The following SNTG2 variants were observed in gnomAD, a reference collection of about 807,000 sequenced individuals.
SNTG2 encodes gamma-2-syntrophin.
A neutral mutation model predicts 70.9 loss-of-function variants in SNTG2; 74 were observed. That is an observed-to-expected ratio of 1.04 (90% CI 0.86 to 1.27). SNTG2 has a LOEUF of 1.27. Ranked by LOEUF, SNTG2 falls within the 50% of genes most tolerant of loss-of-function variation. SNTG2 has a pLI of 0.00. For synonymous variants in SNTG2, 278 were observed against 273.8 expected (o/e 1.02, Z -0.15); for missense variants, 717 against 690.7 (o/e 1.04, Z -0.43).
chr2:1,338,898 G>A (rs1659947698), intron 16 of SNTG2, among the ~76,000 whole-genome samples: 1 of 152,116 alleles, frequency 6.6e-6, no homozygotes, highest in African/African-American at 2.4e-5. Context: ...AATTTCCTAG[G>A]TCATATCATA....
At chr2:1,056,350 C>T (rs1364166283) in intron 1 of SNTG2, among the ~76,000 whole-genome samples, 10 of 69,450 alleles carry the variant, frequency 1.4e-4, no homozygotes, top group South Asian at 5.8e-4. Flanking sequence ...GAGAGGGCGG[C>T]GCCCCGCTGT....
chr2:1,171,006 AG>A (rs781288514), intron 7 of SNTG2, among the ~76,000 whole-genome samples: 1 of 152,158 alleles, frequency 6.6e-6, no homozygotes, highest in East Asian at 1.9e-4. Context: ...TTGATAGGTT[AG>A]GGTTAATTTT....
intron 4 of SNTG2, among the ~76,000 whole-genome samples, chr2:1,104,174 C>T (rs1422940218): frequency 6.6e-6 from 1 of 152,208 alleles, no homozygotes; most frequent in Non-Finnish European, 1.5e-5. Flanking sequence ...TCTGGGTCAT[C>T]GTCCGGTGCT....
intron 1 of SNTG2, among the ~76,000 whole-genome samples, chr2:1,041,804 ATTTC>A (rs994892609): frequency 3.9e-5 from 6 of 152,122 alleles, no homozygotes; most frequent in Non-Finnish European, 5.9e-5. Flanking sequence ...AGTCTCAGGT[ATTTC>A]TTTATAGCAA....
At chr2:1,248,467 T>C (rs1677566528) in intron 12 of SNTG2, among the ~76,000 whole-genome samples, 1 of 152,254 alleles carries the variant, frequency 6.6e-6, no homozygotes, top group Non-Finnish European at 1.5e-5. Context: ...GGATATCATA[T>C]TGGCTTTAGT....
chr2:1,205,866 G>T lies in SNTG2; in HGVS notation c.592-3237G>T, dbSNP rs556836188. ...CTCATAGTAAATGCCGTGTGAGTTG[G>T]TTGGTCAGTCACATATAAATGCTAC... On this transcript the variant is annotated intron_variant, in intron 8 of 16. Transcript: ENST00000308624. Among the ~76,000 whole-genome samples the T allele has an allele frequency of 3.5e-4, 53 of 152,304 alleles. No individual in the cohort carries two copies. In the South Asian group the frequency reaches 0.011, roughly 32 times the overall value.
At chr2:993,573 C>T (rs1018661839) in intron 1 of SNTG2, among the ~76,000 whole-genome samples, 1 of 152,098 alleles carries the variant, frequency 6.6e-6, no homozygotes, top group African/African-American at 2.4e-5. Flanking sequence ...ATTTTCAAAA[C>T]TCCTAAAATC....
intron 6 of SNTG2, among the ~76,000 whole-genome samples, chr2:1,153,421 G>A (rs549689933): frequency 1.3e-5 from 2 of 152,320 alleles, no homozygotes; most frequent in East Asian, 3.9e-4. Flanking sequence ...CATTTTAGAA[G>A]ATTGCATTAT....
At chr2:1,278,972 CT>C (rs1679395167) in intron 14 of SNTG2, among the ~76,000 whole-genome samples, 1 of 148,236 alleles carries the variant, frequency 6.7e-6, no homozygotes, top group Non-Finnish European at 1.5e-5. Context: ...GCATAACACC[CT>C]GTCAGCGCGC....
At chr2:1,162,545 G>C (rs938065871) in intron 6 of SNTG2, among the ~76,000 whole-genome samples, 1 of 152,018 alleles carries the variant, frequency 6.6e-6, no homozygotes, top group Non-Finnish European at 1.5e-5. Context: ...GCTGGGAGGT[G>C]GCTGGACAGT....
At chr2:1,293,413 T>C (rs1680070738) in intron 14 of SNTG2, among the ~76,000 whole-genome samples, 1 of 152,112 alleles carries the variant, frequency 6.6e-6, no homozygotes, top group South Asian at 2.1e-4. Flanking sequence ...GTTTAGCGTG[T>C]TTTTCTTTTT....
intron 1 of SNTG2, among the ~76,000 whole-genome samples, chr2:1,004,435 C>T (rs1449896057): frequency 6.6e-6 from 1 of 152,192 alleles, no homozygotes. Flanking sequence ...TGATAAATGG[C>T]TTGTACACAG....
chr2:1,017,099 G>T (rs560966206), intron 1 of SNTG2, among the ~76,000 whole-genome samples: 2 of 152,242 alleles, frequency 1.3e-5, no homozygotes, highest in African/African-American at 4.8e-5. Flanking sequence ...TGAGTATACG[G>T]TTTACTAAGA....
intron 9 of SNTG2, chr2:1,219,919 TCTATAGTAG>T (rs1182282963): frequency 2.0e-5 from 3 of 152,230 alleles, no homozygotes; most frequent in Non-Finnish European, 4.4e-5. Context: ...GCAGATGGGC[TCTATAGTAG>T]TCATAATGGA....
intron 6 of SNTG2, among the ~76,000 whole-genome samples, chr2:1,162,425 G>A (rs1013425037): frequency 1.1e-4 from 17 of 152,182 alleles, no homozygotes; most frequent in South Asian, 6.2e-4. Context: ...GATGGGGCAC[G>A]GTGAGCTTCA....
At chr2:1,059,198 G>C (rs1387300464) in intron 1 of SNTG2, 1 of 152,210 alleles carries the variant, frequency 6.6e-6, no homozygotes, top group East Asian at 1.9e-4. Flanking sequence ...GTGTGTTCCT[G>C]GCAATGGACT....
rs527985974 is a variant in SNTG2 at position 1,043,962 on chromosome 2, T to C, written c.73-39556T>C. Among the ~76,000 whole-genome samples the C allele has an allele frequency of 3.3e-5, 5 of 152,328 alleles. No individual in the cohort carries two copies. In the South Asian group the frequency reaches 1.0e-3, roughly 32 times the overall value. Reference sequence around the variant, plus strand: ...AATTCTGTGAAAAATATTGGTAGTTTGATGGGAATAACACTGAATCTGTAA... The same window carrying C: ...AATTCTGTGAAAAATATTGGTAGTTCGATGGGAATAACACTGAATCTGTAA... On this transcript the variant is annotated intron_variant, in intron 1 of 16. Transcript: ENST00000308624.
chr2:1,046,654 TA>T (rs1259765201), intron 1 of SNTG2, among the ~76,000 whole-genome samples: 2 of 152,208 alleles, frequency 1.3e-5, no homozygotes, highest in African/African-American at 2.4e-5. Context: ...GGTTGTAATT[TA>T]TTTTTTCTAA....
At chr2:1,164,751 TAGGAGGATGAAGTGAGGTAGGAACTTGCC>T in intron 6 of SNTG2, among the ~76,000 whole-genome samples, 1 of 151,528 alleles carries the variant, frequency 6.6e-6, no homozygotes, top group South Asian at 2.1e-4. Flanking sequence ...ATACCTGGCC[TAGGAGGATGAAGTGAGGTAGGAACTTGCC>T]CAAACTGTTG....
Sources: allele counts gnomAD v4.1 joint callset (sites outside exome capture counted in the v4.1 genomes callset), GRCh38; gene constraint gnomAD v4.1.1; transcripts MANE v1.5; gene names NCBI Gene and HGNC (gene_info 2026-07-23, HGNC 2026-07-21).